CD9: variants seen among roughly 807,000 people sequenced by gnomAD.
CD9 encodes the protein CD9 antigen.
Under a neutral mutation model 31.4 loss-of-function variants are expected in CD9, and 10 were observed. That is an observed-to-expected ratio of 0.32 (90% confidence interval 0.20 to 0.54). The LOEUF is 0.54. Ranked by LOEUF, CD9 falls within the 20% of genes least tolerant of loss-of-function variation. CD9 has a pLI of 0.94. For synonymous variants in CD9, 113 were observed against 114.1 expected, an observed-to-expected ratio of 0.99 and a Z score of 0.06; for missense variants, 259 against 300.1, an observed-to-expected ratio of 0.86 and a Z score of 1.01.
Position 6,235,209 on chromosome 12 carries a change from C to A in CD9, c.349-20C>A. ...ATGTGAAAATGCCGTCTCTGCCCCT[C>A]TCTCGTCTGCCCATTGTAGGTGATT... On this transcript the variant is annotated intron_variant, in intron 4 of 7. Coordinates refer to ENST00000009180, the MANE Select transcript of CD9 (RefSeq NM_001769.4). The A allele has an allele frequency of 6.5e-7, 1 of 1,544,086 alleles. No individual in the cohort carries two copies. The highest frequency in any genetic ancestry group is 8.9e-7 in the Non-Finnish European group (1 of 1,118,598).
upstream of CD9, chr12:6,200,180 C>G (rs901781548): frequency 4.1e-5 from 6 of 146,890 alleles, no homozygotes; most frequent in Non-Finnish European, 5.8e-5. Flanking sequence ...GGCGGGGAAA[C>G]AGGGAGAGGG....
chr12:6,232,843 C>T lies in CD9; in HGVS notation c.273+114C>T, dbSNP rs1946466503. 2 of 762,246 alleles carry T rather than the reference C, an allele frequency of 2.6e-6. No individual in the cohort carries two copies. The highest frequency in any genetic ancestry group is 5.3e-5 in the East Asian group (2 of 37,436). The allele number at this position is 762,246 out of a possible 1,614,324, so 47.2% of individuals were successfully genotyped here. ...GAGGGGGATGGGGTCAGGAAGGTAC[C>T]CAAAGGGCATGAGCTGTCCTCAGCC... On this transcript the variant is annotated intron_variant, in intron 3 of 7. Transcript: ENST00000009180. This position sits in a 1 kb window ranked among gnomAD's most constrained non-coding sequence, Gnocchi z 4.8.
At chr12:6,218,137 G>A (rs1309986230) in intron 1 of CD9, among the ~76,000 whole-genome samples, 1 of 152,090 alleles carries the variant, frequency 6.6e-6, no homozygotes, top group Non-Finnish European at 1.5e-5. Context: ...TGAGGTGGGA[G>A]GATCATCTGA....
chr12:6,223,883 G>A (rs1322761185), intron 1 of CD9, among the ~76,000 whole-genome samples: 1 of 152,112 alleles, frequency 6.6e-6, no homozygotes, highest in Admixed American at 6.6e-5. Flanking sequence ...TCCCTCACTG[G>A]CCTTTTATTA....
chr12:6,232,361 C>G lies in CD9; in HGVS notation c.176-271C>G, dbSNP rs1946456608. On this transcript the variant is annotated intron_variant, in intron 2 of 7. Coordinates refer to ENST00000009180, the MANE Select transcript of CD9 (RefSeq NM_001769.4). This position sits in a 1 kb window ranked among gnomAD's most constrained non-coding sequence, Gnocchi z 4.8. Reference sequence around the variant, plus strand: ...GATATTCTCTGTCCTGGATTGAGGGCTAATGGGCACCTTCCAGAAGGGCTG... The same window carrying G: ...GATATTCTCTGTCCTGGATTGAGGGGTAATGGGCACCTTCCAGAAGGGCTG... 3.7e-6 allele frequency: 2 copies of G among 543,498 alleles called. No individual in the cohort carries two copies. Among genetic ancestry groups the G allele is most frequent in the Admixed American group, 6.3e-5 (2 of 31,900 alleles). The allele number at this position is 543,498 out of a possible 1,614,324, so 33.7% of individuals were successfully genotyped here. A position where few individuals can be genotyped will look rare whatever the true frequency, so the allele number is the denominator to read the frequency against.
chr12:6,219,907 AC>A lies in CD9; in HGVS notation c.67-5518del, dbSNP rs574260237. 1.1e-3 allele frequency among the ~76,000 whole-genome samples: 169 copies of A among 152,176 alleles called. 1 individual carries two copies. The highest frequency in any genetic ancestry group is 3.9e-3 in the African/African-American group (163 of 41,510). On this transcript the variant is annotated intron_variant, in intron 1 of 7. Coordinates refer to ENST00000009180, the MANE Select transcript of CD9 (RefSeq NM_001769.4). ...GAGGAGATCTGGGTGGATTTCAAAT[AC>A]TTTTTCACTGAAGTAGTCATTCATT...
chr12:6,217,168 A>G (rs186228158), intron 1 of CD9, among the ~76,000 whole-genome samples: 169 of 152,246 alleles, frequency 1.1e-3, no homozygotes, highest in African/African-American at 3.5e-3. Flanking sequence ...GAGGCGTGCA[A>G]TAGAATCCCT....
chr12:6,225,195 T>C, intron 1 of CD9: 3 of 551,380 alleles, frequency 5.4e-6, no homozygotes, highest in Non-Finnish European at 9.7e-6. Context: ...AAAATACCCC[T>C]TCAGCCAATG....
intron 2 of CD9, 52 bp downstream of exon 2, chr12:6,225,586 C>G: frequency 1.6e-6 from 2 of 1,239,420 alleles, no homozygotes; most frequent in Non-Finnish European, 2.4e-6. Context: ...CAACAAAGTT[C>G]CTGCAACTTT....
intron 1 of CD9, among the ~76,000 whole-genome samples, chr12:6,215,125 T>A (rs1303699768): frequency 6.6e-6 from 1 of 151,998 alleles, no homozygotes; most frequent in Non-Finnish European, 1.5e-5. Context: ...AATGCCCCAC[T>A]CTCCAGATCG....
chr12:6,223,115 C>T (rs900288623), intron 1 of CD9, among the ~76,000 whole-genome samples: 2 of 152,126 alleles, frequency 1.3e-5, no homozygotes, highest in African/African-American at 4.8e-5. Flanking sequence ...TGTGGCTAAA[C>T]GTGGACCAAA....
intron 2 of CD9, among the ~76,000 whole-genome samples, chr12:6,229,415 T>C (rs1946413327): frequency 6.6e-6 from 1 of 152,192 alleles, no homozygotes; most frequent in African/African-American, 2.4e-5. Flanking sequence ...CAGCACAGCT[T>C]ACACAACCAC....
At chr12:6,217,247 G>C (rs1255627767) in intron 1 of CD9, among the ~76,000 whole-genome samples, 2 of 152,132 alleles carry the variant, frequency 1.3e-5, no homozygotes, top group Admixed American at 6.5e-5. Context: ...GGTAGGCTGG[G>C]TGCCATGGCT....
At chr12:6,237,203 G>A (rs529490856) in intron 7 of CD9, among the ~76,000 whole-genome samples, 23 of 152,168 alleles carry the variant, frequency 1.5e-4, no homozygotes, top group Non-Finnish European at 2.6e-4. Flanking sequence ...TCGAACTCCT[G>A]ACCTCAGGTA....
chr12:6,238,211 T>C lies in CD9; in HGVS notation c.*383T>C, dbSNP rs759738258. ...ATGTCTATCAACTTTAATCAAGTTG[T>C]AACTTATATTGAAGACAATTTGATA... On this transcript the variant is annotated 3_prime_UTR_variant, in exon 8 of 8. Transcript: ENST00000009180. The C allele has an allele frequency of 1.4e-4, 22 of 161,384 alleles. No individual in the cohort carries two copies. The highest frequency in any genetic ancestry group is 2.6e-4 in the Non-Finnish European group (19 of 73,864). 10.0% of individuals were successfully genotyped at this position (161,384 alleles called of 1,614,324 possible).
At chr12:6,235,208 T>G (rs762492582) in intron 4 of CD9, 21 bp from the exon 5 acceptor site, 1 of 1,535,336 alleles carries the variant, frequency 6.5e-7, no homozygotes, top group Non-Finnish European at 9.0e-7. Context: ...TCTCTGCCCC[T>G]CTCTCGTCTG....
chr12:6,218,824 T>C (rs1327376032), intron 1 of CD9, among the ~76,000 whole-genome samples: 1 of 152,026 alleles, frequency 6.6e-6, no homozygotes, highest in East Asian at 1.9e-4. Context: ...CACCATTCAT[T>C]GTGGGCCTGA....
Position 6,232,549 on chromosome 12 carries a change from A to G in CD9, c.176-83A>G. 1 of 837,128 alleles carries G rather than the reference A, an allele frequency of 1.2e-6. No homozygotes were observed. The highest frequency in any genetic ancestry group is 2.0e-6 in the Non-Finnish European group (1 of 505,878). 51.9% of individuals were successfully genotyped at this position (837,128 alleles called of 1,614,324 possible). Reference sequence around the variant, plus strand: ...GGAGGTGGGGAGGCAGGAGTTAGGCAGAGGGAAACAGGAATTGCCGGAGAT... The same window carrying G: ...GGAGGTGGGGAGGCAGGAGTTAGGCGGAGGGAAACAGGAATTGCCGGAGAT... On this transcript the variant is annotated intron_variant, in intron 2 of 7. Transcript: ENST00000009180. The surrounding 1 kb of genome is among the most constrained non-coding windows in gnomAD (Gnocchi z 4.8).
chr12:6,222,125 G>A (rs766859658), intron 1 of CD9, among the ~76,000 whole-genome samples: 6 of 152,200 alleles, frequency 3.9e-5, no homozygotes, highest in Non-Finnish European at 8.8e-5. Flanking sequence ...ACCATGAAAG[G>A]CATTATTGGG....
Sources: allele counts gnomAD v4.1 joint callset (sites outside exome capture counted in the v4.1 genomes callset), GRCh38; gene constraint gnomAD v4.1.1; non-coding constraint Gnocchi (gnomAD v3.1); transcripts MANE v1.5; gene names NCBI Gene and HGNC (gene_info 2026-07-23, HGNC 2026-07-21).